Variants in SYPL1 observed in about 807,000 individuals in gnomAD.
SYPL1 encodes synaptophysin-like protein 1.
A neutral mutation model predicts 23.7 loss-of-function variants in SYPL1; 6 were observed. The observed-to-expected ratio is 0.25, with a 90% CI of 0.14 to 0.50. The LOEUF is 0.50. SYPL1 is among the 20% of genes least tolerant of loss of function. The pLI, the probability that SYPL1 is intolerant of heterozygous loss-of-function variation, is 0.98. For synonymous variants in SYPL1, 102 were observed against 104.5 expected (o/e 0.98, Z 0.15); for missense variants, 253 against 288.9 (o/e 0.88, Z 0.90).
Position 106,097,613 on chromosome 7 carries a change from T to C in SYPL1, c.402+77A>G. On this transcript the variant is annotated intron_variant, in intron 3 of 4. Transcript: ENST00000455385. This position sits in a 1 kb window ranked among gnomAD's most constrained non-coding sequence, Gnocchi z 4.6. ...CTGAACTGGCTTACACCAAGAATTT[T>C]TATTTCCAGTATAAGAAAATCTATA... 6 of 1,334,766 alleles carry C rather than the reference T, an allele frequency of 4.5e-6. No individual in the cohort carries two copies. The highest frequency in any genetic ancestry group is 6.0e-6 in the Non-Finnish European group (6 of 992,098). 82.7% of individuals were successfully genotyped at this position (1,334,766 alleles called of 1,614,324 possible).
chr7:106,099,514 C>A (rs1180617075), intron 1 of SYPL1, among the ~76,000 whole-genome samples: 1 of 152,076 alleles, frequency 6.6e-6, no homozygotes, highest in Non-Finnish European at 1.5e-5. Flanking sequence ...ACCTCAGTCC[C>A]CCAAGCAGCT....
chr7:106,097,634 C>A lies in SYPL1; in HGVS notation c.402+56G>T. The A allele has an allele frequency of 4.9e-6, 7 of 1,426,228 alleles. No homozygotes were observed. Among genetic ancestry groups the A allele is most frequent in the Non-Finnish European group, 6.6e-6 (7 of 1,058,388 alleles). The allele number at this position is 1,426,228 out of a possible 1,614,324, so 88.3% of individuals were successfully genotyped here. Reference sequence around the variant, plus strand: ...ATTTTTATTTCCAGTATAAGAAAATCTATATTTAGCTTATACAAATTATTT... The same window carrying A: ...ATTTTTATTTCCAGTATAAGAAAATATATATTTAGCTTATACAAATTATTT... On this transcript the variant is annotated intron_variant, in intron 3 of 4. Coordinates refer to ENST00000455385, the MANE Select transcript of SYPL1 (RefSeq NM_182715.4). This position sits in a 1 kb window ranked among gnomAD's most constrained non-coding sequence, Gnocchi z 4.6.
At chr7:106,099,430 C>T (rs1037979558) in intron 1 of SYPL1, 148 bp from the exon 2 acceptor site, 27 of 1,021,366 alleles carry the variant, frequency 2.6e-5, no homozygotes, top group South Asian at 7.1e-5. Context: ...GGGTTTCTGT[C>T]GCCCAGACTG....
chr7:106,098,934 C>G (rs1257557721), intron 2 of SYPL1, among the ~76,000 whole-genome samples: 1 of 152,170 alleles, frequency 6.6e-6, no homozygotes, highest in East Asian at 1.9e-4. Flanking sequence ...ATAAAAGTTT[C>G]TAAATGCTTA....
In SYPL1 at chr7:106,103,065, G is replaced by A. The variant is rs552367421; in HGVS notation, c.70-3783C>T. Among the ~76,000 whole-genome samples, 5 of 152,184 alleles carry A rather than the reference G, an allele frequency of 3.3e-5. No individual in the cohort carries two copies. The South Asian group carries it at 8.3e-4, about 25-fold the overall frequency. Reference sequence around the variant, plus strand: ...TTATAATAAACATAATGTCACAAAGGATTTACTAGTATATAGATCTAAGAG... The same window carrying A: ...TTATAATAAACATAATGTCACAAAGAATTTACTAGTATATAGATCTAAGAG... On this transcript the variant is annotated intron_variant, in intron 1 of 4. Coordinates refer to ENST00000455385, the MANE Select transcript of SYPL1 (RefSeq NM_182715.4).
Position 106,097,166 on chromosome 7 carries a change from G to A in SYPL1, c.402+524C>T, listed in dbSNP as rs1840055338. Among the ~76,000 whole-genome samples, 1 of 152,210 alleles carries A rather than the reference G, an allele frequency of 6.6e-6. No individual in the cohort carries two copies. On this transcript the variant is annotated intron_variant, in intron 3 of 4. Coordinates refer to ENST00000455385, the MANE Select transcript of SYPL1 (RefSeq NM_182715.4). This position sits in a 1 kb window ranked among gnomAD's most constrained non-coding sequence, Gnocchi z 4.6. ...TGCAGCAAGCCAAGATGGTGCTACT[G>A]CCCTCCTGCCTGGGCGACAAAGCGA...
In SYPL1 at chr7:106,104,503, C is replaced by T. The variant is rs945306127; in HGVS notation, c.70-5221G>A. Among the ~76,000 whole-genome samples, 2 of 152,192 alleles carry T rather than the reference C, an allele frequency of 1.3e-5. No homozygotes were observed. Among genetic ancestry groups the T allele is most frequent in the Admixed American group, 6.5e-5 (1 of 15,282 alleles). The stretch of plus-strand genomic sequence containing the variant: ...GACTATCACTTCTACTGCTCCTTTG[C>T]CAGACTGTCATGTCTTTGCACCTGG... On this transcript the variant is annotated intron_variant, in intron 1 of 4. Coordinates refer to ENST00000455385, the MANE Select transcript of SYPL1 (RefSeq NM_182715.4). This position sits in a 1 kb window ranked among gnomAD's most constrained non-coding sequence, Gnocchi z 4.1.
upstream of SYPL1, chr7:106,112,442 C>T (rs376130471): frequency 9.0e-5 from 114 of 1,272,880 alleles, no homozygotes; most frequent in Non-Finnish European, 9.2e-5. Context: ...AGGGGCGGGC[C>T]GGGGCGGAGA....
intron 1 of SYPL1, among the ~76,000 whole-genome samples, chr7:106,106,148 T>C (rs1462050197): frequency 6.6e-6 from 1 of 152,132 alleles, no homozygotes; most frequent in East Asian, 1.9e-4. Flanking sequence ...GCACTGAGTA[T>C]ATAATATACC....
Position 106,096,923 on chromosome 7 carries a change from T to TA in SYPL1, c.402+766dup, listed in dbSNP as rs1000316860. On this transcript the variant is annotated intron_variant, in intron 3 of 4. Coordinates refer to ENST00000455385, the MANE Select transcript of SYPL1 (RefSeq NM_182715.4). This position sits in a 1 kb window ranked among gnomAD's most constrained non-coding sequence, Gnocchi z 4.4. ...CTGAGTTCCAAAAAAAACCTTTATTTAAAAAAACAAGGCCAGGCTCCTGGC... is the reference window on the plus strand; with the variant it reads ...CTGAGTTCCAAAAAAAACCTTTATTTAAAAAAAACAAGGCCAGGCTCCTGGC... Among the ~76,000 whole-genome samples, 146 of 152,220 alleles carry TA rather than the reference T, an allele frequency of 9.6e-4. No individual in the cohort carries two copies. Among genetic ancestry groups the TA allele is most frequent in the African/African-American group, 3.5e-3 (144 of 41,516 alleles).
In SYPL1 at chr7:106,104,015, A is replaced by C. The variant is rs533844407; in HGVS notation, c.70-4733T>G. On this transcript the variant is annotated intron_variant, in intron 1 of 4. Transcript: ENST00000455385. This position sits in a 1 kb window ranked among gnomAD's most constrained non-coding sequence, Gnocchi z 4.1. Reference sequence around the variant, plus strand: ...CAGTCTATTCACTGCCAGGTACTGTATGATTCTGTCACATTATACTGCTTA... The same window carrying C: ...CAGTCTATTCACTGCCAGGTACTGTCTGATTCTGTCACATTATACTGCTTA... Among the ~76,000 whole-genome samples, 5 of 152,306 alleles carry C rather than the reference A, an allele frequency of 3.3e-5. No homozygotes were observed. Among genetic ancestry groups the C allele is most frequent in the South Asian group, 2.1e-4 (1 of 4,828 alleles).
At chr7:106,092,062 T>G (rs1585932941) in intron 4 of SYPL1, 123 bp from the exon 5 acceptor site, 1 of 942,776 alleles carries the variant, frequency 1.1e-6, no homozygotes, top group East Asian at 2.6e-5. Flanking sequence ...ATTATTTCAC[T>G]TAAAGTTTAA....
At chr7:106,112,559 G>C (rs1563344091), upstream of SYPL1, 2 of 1,494,358 alleles carry the variant, frequency 1.3e-6, no homozygotes, top group Non-Finnish European at 8.9e-7. Context: ...CTTCCCTGCG[G>C]TTCAGCCCCT....
At chr7:106,111,281 T>G (rs2116227467) in intron 1 of SYPL1, among the ~76,000 whole-genome samples, 1 of 152,312 alleles carries the variant, frequency 6.6e-6, no homozygotes, top group South Asian at 2.1e-4. Flanking sequence ...AAGCTATGGA[T>G]GTAAATGCTG....
chr7:106,094,571 C>T (rs1341930678), intron 3 of SYPL1, among the ~76,000 whole-genome samples: 1 of 152,176 alleles, frequency 6.6e-6, no homozygotes, highest in East Asian at 1.9e-4. Context: ...AAGTACTCCC[C>T]CCTTTTTACT....
Position 106,097,846 on chromosome 7 carries a change from T to C in SYPL1, c.246A>G (p.Val82=), listed in dbSNP as rs1456076027. The C allele has an allele frequency of 3.7e-6, 6 of 1,613,954 alleles. No homozygotes were observed. The highest frequency in any genetic ancestry group is 3.3e-4 in the Middle Eastern group (2 of 6,060). The change falls in exon 3 of 5, where the codon GTA becomes GTG. Residue 82 remains valine (V), a synonymous_variant. Transcript: ENST00000455385. This position sits in a 1 kb window ranked among gnomAD's most constrained non-coding sequence, Gnocchi z 4.6. ...QPPPGVNICD[V]NWKDYVLIGD... is the part of the protein sequence containing the mutation. Reference sequence around the variant, plus strand: ...CTATGAGGACGTAATCTTTCCAATTTACATCACATATGTTTACACCTGGAG... The same window carrying C: ...CTATGAGGACGTAATCTTTCCAATTCACATCACATATGTTTACACCTGGAG...
intron 4 of SYPL1, among the ~76,000 whole-genome samples, chr7:106,092,318 C>T (rs1839772609): frequency 6.6e-6 from 1 of 152,020 alleles, no homozygotes; most frequent in African/African-American, 2.4e-5. Context: ...ACAGTTGTAG[C>T]CACAAAAAAA....
rs1182003948 is a variant in SYPL1, at chr7:106,104,284, C to T, written c.70-5002G>A. Among the ~76,000 whole-genome samples, 1 of 152,132 alleles carries T rather than the reference C, an allele frequency of 6.6e-6. No individual in the cohort carries two copies. Among genetic ancestry groups the T allele is most frequent in the Non-Finnish European group, 1.5e-5 (1 of 68,028 alleles). On this transcript the variant is annotated intron_variant, in intron 1 of 4. Coordinates refer to ENST00000455385, the MANE Select transcript of SYPL1 (RefSeq NM_182715.4). This position sits in a 1 kb window ranked among gnomAD's most constrained non-coding sequence, Gnocchi z 4.1. ...TGGGGCCGGGTGCAGTGGCTTATGC[C>T]TGTAATTCCAACACTTTGGGAGGCC...
intron 1 of SYPL1, among the ~76,000 whole-genome samples, chr7:106,111,257 G>T (rs1220197824): frequency 1.3e-5 from 2 of 152,186 alleles, no homozygotes; most frequent in African/African-American, 4.8e-5. Context: ...CTATCACTAA[G>T]GAAAAGGGCG....
Sources: gnomAD v4.1 joint callset for allele counts (sites outside exome capture counted in the v4.1 genomes callset) on GRCh38, gnomAD v4.1.1 for gene constraint, Gnocchi (gnomAD v3.1) non-coding constraint, MANE v1.5 for transcripts, NCBI Gene and HGNC (gene_info 2026-07-23, HGNC 2026-07-21) for gene names.